The following SLC38A2 variants were observed in gnomAD, a reference collection of about 807,000 sequenced individuals.
SLC38A2 encodes the protein sodium-coupled neutral amino acid symporter 2.
In SLC38A2, 11 loss-of-function variants were observed where a neutral mutation model predicts 61.5. The ratio of observed to expected loss-of-function variants is 0.18; its 90% CI spans 0.11 to 0.30. The LOEUF (loss-of-function observed/expected upper bound fraction) is 0.30. SLC38A2 is among the 10% of genes least tolerant of loss of function. SLC38A2 has a pLI of 1.00. For synonymous variants in SLC38A2, 217 were observed against 212.5 expected, an observed-to-expected ratio of 1.02 and a Z score of -0.18; for missense variants, 522 against 600.4, an observed-to-expected ratio of 0.87 and a Z score of 1.36.
intron 4 of SLC38A2, 128 bp from the exon 5 acceptor site, chr12:46,367,468 A>G (rs915501963): frequency 1.5e-6 from 1 of 657,500 alleles, no homozygotes; most frequent in Non-Finnish European, 2.7e-6. Context: ...GCCCTGAAGA[A>G]CTGGCATTTC....
At position 46,363,831 on chromosome 12, in the gene SLC38A2, G is replaced by C; in HGVS notation, c.954-5C>G. Reference sequence around the variant, plus strand: ...ATCATTCTTCTACGGCTGCGGCTATGTAATTCAAGAGAAAATTCAAATATA... The same window carrying C: ...ATCATTCTTCTACGGCTGCGGCTATCTAATTCAAGAGAAAATTCAAATATA... On this transcript the variant is annotated splice_polypyrimidine_tract_variant and splice_region_variant and intron_variant, in intron 11 of 15. Coordinates refer to ENST00000256689, the MANE Select transcript of SLC38A2 (RefSeq NM_018976.5). The C allele has an allele frequency of 6.3e-7, 1 of 1,589,592 alleles. No individual in the cohort carries two copies. Among genetic ancestry groups the C allele is most frequent in the Non-Finnish European group, 8.5e-7 (1 of 1,171,486 alleles).
Position 46,359,413 on chromosome 12 carries a change from A to G in SLC38A2, c.*1698T>C, listed in dbSNP as rs1211360621. 1 of 152,650 alleles carries G rather than the reference A, an allele frequency of 6.6e-6. No homozygotes were observed. The highest frequency in any genetic ancestry group is 2.4e-5 in the African/African-American group (1 of 41,456). The allele number at this position is 152,650 out of a possible 1,614,324, so 9.5% of individuals were successfully genotyped here. On this transcript the variant is annotated 3_prime_UTR_variant, in exon 16 of 16. Coordinates refer to ENST00000256689, the MANE Select transcript of SLC38A2 (RefSeq NM_018976.5). ...CAGTTCCATAAGGGTCTTTAATTAC[A>G]CATGTATCTTGTTTGTAAATTTAGT...
rs112754579 is a variant in SLC38A2 at position 46,365,630 on chromosome 12, G to T, written c.564-441C>A. Among the ~76,000 whole-genome samples, 626 of 152,112 alleles carry T rather than the reference G, an allele frequency of 4.1e-3. 9 individuals carry two copies. The highest frequency in any genetic ancestry group is 0.014 in the African/African-American group (600 of 41,496). On this transcript the variant is annotated intron_variant, in intron 7 of 15. Coordinates refer to ENST00000256689, the MANE Select transcript of SLC38A2 (RefSeq NM_018976.5). ...AAATTTTAAAACAAGTTTTTTTCCAGATGCGTTAGCAAATATTATTAAATA... is the reference window on the plus strand; with the variant it reads ...AAATTTTAAAACAAGTTTTTTTCCATATGCGTTAGCAAATATTATTAAATA...
In SLC38A2 at chr12:46,361,073, G is replaced by T; in HGVS notation, c.*38C>A. 6.7e-7 allele frequency: 1 copy of T among 1,489,230 alleles called. No individual in the cohort carries two copies. Among genetic ancestry groups the T allele is most frequent in the Non-Finnish European group, 9.3e-7 (1 of 1,071,098 alleles). 92.3% of individuals were successfully genotyped at this position (1,489,230 alleles called of 1,614,324 possible). A position where few individuals can be genotyped will look rare whatever the true frequency, so the allele number is the denominator to read the frequency against. On this transcript the variant is annotated 3_prime_UTR_variant, in exon 16 of 16. Transcript: ENST00000256689. ...TAGTAGTTGAGTTTACTCAACACTGGCATCAGATGGACTGAGTTTGAGTTT... is the reference window on the plus strand; with the variant it reads ...TAGTAGTTGAGTTTACTCAACACTGTCATCAGATGGACTGAGTTTGAGTTT...
rs1440319962 is a variant in SLC38A2, at chr12:46,371,339, C to T, written c.-46G>A. On this transcript the variant is annotated 5_prime_UTR_variant, in exon 2 of 16. Coordinates refer to ENST00000256689, the MANE Select transcript of SLC38A2 (RefSeq NM_018976.5). ...GGGTGCAGCTAGTAGCGCTGGGCTCCTTTTGTCCTTGGCGGTGGGTGCAGC... is the reference window on the plus strand; with the variant it reads ...GGGTGCAGCTAGTAGCGCTGGGCTCTTTTTGTCCTTGGCGGTGGGTGCAGC... 2.4e-5 allele frequency: 36 copies of T among 1,514,674 alleles called. No homozygotes were observed. Among genetic ancestry groups the T allele is most frequent in the Non-Finnish European group, 3.1e-5 (34 of 1,090,826 alleles). The allele number at this position is 1,514,674 out of a possible 1,614,324, so 93.8% of individuals were successfully genotyped here. A position where few individuals can be genotyped will look rare whatever the true frequency, so the allele number is the denominator to read the frequency against.
chr12:46,363,906 T>C lies in SLC38A2; in HGVS notation c.953+18A>G. 1.3e-6 allele frequency: 2 copies of C among 1,597,288 alleles called. No homozygotes were observed. Among genetic ancestry groups the C allele is most frequent in the Non-Finnish European group, 1.7e-6 (2 of 1,174,308 alleles). ...TGTCTAATATTTTCTCAAATTTATG[T>C]AAAAATGAAATACTCACTCTTTCAG... On this transcript the variant is annotated intron_variant, in intron 11 of 15. Transcript: ENST00000256689.
intron 13 of SLC38A2, 65 bp from the exon 14 acceptor site, chr12:46,362,703 T>TTA: frequency 6.7e-7 from 1 of 1,487,340 alleles, no homozygotes; most frequent in Non-Finnish European, 8.9e-7. Context: ...AAAATCCAGC[T>TTA]TCAATGAATG....
At chr12:46,367,395 G>T in intron 4 of SLC38A2, 55 bp from the exon 5 acceptor site, 1 of 939,654 alleles carries the variant, frequency 1.1e-6, no homozygotes, top group Non-Finnish European at 1.7e-6. Context: ...TATATTTAAA[G>T]ACAACTCTTT....
In SLC38A2 at chr12:46,370,715, A is replaced by C. The variant is rs1943186285; in HGVS notation, c.198+61T>G. The C allele has an allele frequency of 2.6e-6, 4 of 1,540,812 alleles. No homozygotes were observed. The East Asian group carries it at 9.0e-5, about 35-fold the overall frequency. Reference sequence around the variant, plus strand: ...GGGCAAGTTAGATTTGAATTCTAAAAGTAAAACTATTCTTTTACTCCATAA... The same window carrying C: ...GGGCAAGTTAGATTTGAATTCTAAACGTAAAACTATTCTTTTACTCCATAA... On this transcript the variant is annotated intron_variant, in intron 3 of 15. Transcript: ENST00000256689.
chr12:46,369,040 A>G (rs1943167956), intron 4 of SLC38A2, among the ~76,000 whole-genome samples: 1 of 152,238 alleles, frequency 6.6e-6, no homozygotes. Context: ...CAAAATGGTA[A>G]ATCAATGACA....
In SLC38A2 at chr12:46,367,168, C is replaced by A; in HGVS notation, c.389G>T (p.Gly130Val). ...HLLLKTANEG[G>V]SLLYEQLGYK... Reference sequence around the variant, plus strand: ...TCCCAATTGTTCATATAATAAAGACCCTACAATTTGAAGACAGAAGCATGA... The same window carrying A: ...TCCCAATTGTTCATATAATAAAGACACTACAATTTGAAGACAGAAGCATGA... The change falls in exon 6 of 16, where the codon GGG becomes GTG. Residue 130 changes from glycine to valine, a missense_variant and splice_region_variant. Transcript: ENST00000256689. 1 of 1,611,566 alleles carries A rather than the reference C, an allele frequency of 6.2e-7. No individual in the cohort carries two copies. Among genetic ancestry groups the A allele is most frequent in the African/African-American group, 1.3e-5 (1 of 74,846 alleles).
In SLC38A2 at chr12:46,362,315, T is replaced by C. The variant is rs780851626; in HGVS notation, c.1391A>G (p.Lys464Arg). 6.2e-7 allele frequency: 1 copy of C among 1,612,264 alleles called. No homozygotes were observed. Among genetic ancestry groups the C allele is most frequent in the Admixed American group, 1.7e-5 (1 of 59,760 alleles). Residue 464 changes from lysine (K) to arginine (R), a missense_variant, in exon 15 of 16, where the codon AAA becomes AGA. Coordinates refer to ENST00000256689, the MANE Select transcript of SLC38A2 (RefSeq NM_018976.5). Reference protein sequence around the residue: ...PSAFYIKLVKKEPMKSVQKIG... With the variant: ...PSAFYIKLVKREPMKSVQKIG... ...CTTTTGTACAGATTTCATAGGTTCT[T>C]TCTTCACCAACTTGATATAGAAGGC... is the stretch of plus-strand genomic sequence containing the variant.
chr12:46,372,686 GA>G lies in SLC38A2; in HGVS notation c.-265del. 1 of 398,554 alleles carries G rather than the reference GA, an allele frequency of 2.5e-6. No individual in the cohort carries two copies. The highest frequency in any genetic ancestry group is 4.4e-6 in the Non-Finnish European group (1 of 225,990). The allele number at this position is 398,554 out of a possible 1,614,324, so 24.7% of individuals were successfully genotyped here. On this transcript the variant is annotated 5_prime_UTR_variant, in exon 1 of 16. Transcript: ENST00000256689. ...TCCTCCGGCGTCCGCCGTGTCAAGG[GA>G]AAGGCGCGAGCGTGCGGTAACGCGT...
intron 7 of SLC38A2, among the ~76,000 whole-genome samples, chr12:46,366,098 G>T (rs1276551416): frequency 6.6e-6 from 1 of 152,132 alleles, no homozygotes; most frequent in Non-Finnish European, 1.5e-5. Context: ...GTTTACTTTA[G>T]ATAAATACCT....
chr12:46,370,954 A>C (rs1362157352), intron 2 of SLC38A2, 97 bp from the exon 3 acceptor site: 1 of 946,778 alleles, frequency 1.1e-6, no homozygotes, highest in African/African-American at 1.7e-5. Context: ...CCAACAGCAT[A>C]GCTCTGATAC....
intron 12 of SLC38A2, 25 bp from the exon 13 acceptor site, chr12:46,363,170 T>G (rs1943101900): frequency 6.2e-7 from 1 of 1,606,836 alleles, no homozygotes; most frequent in Non-Finnish European, 8.5e-7. Context: ...CAAAAAAACT[T>G]TGATTGGCTG....
Position 46,364,397 on chromosome 12 carries a change from T to C in SLC38A2, c.865A>G (p.Asn289Asp). Residue 289 changes from asparagine (N) to aspartate (D), a missense_variant, in exon 10 of 16, where the codon AAC (asparagine) becomes GAC (aspartate). Asn to Asp is a conservative substitution (Grantham distance 23, BLOSUM62 1). Coordinates refer to ENST00000256689, the MANE Select transcript of SLC38A2 (RefSeq NM_018976.5). ...TAAGCATATTTAGTTACCTGTGAGT[T>C]GAAAATAAAATAGTGAGGTCTGCAA... Reference protein sequence around the residue: ...DSCRPHYFIFNSQTVYAVPIL... With the variant: ...DSCRPHYFIFDSQTVYAVPIL... The C allele has an allele frequency of 6.3e-7, 1 of 1,579,400 alleles. No individual in the cohort carries two copies. Among genetic ancestry groups the C allele is most frequent in the Non-Finnish European group, 8.5e-7 (1 of 1,169,648 alleles).
At chr12:46,363,251 A>T (rs914653283) in intron 12 of SLC38A2, 106 bp from the exon 13 acceptor site, 15 of 1,247,090 alleles carry the variant, frequency 1.2e-5, no homozygotes, top group African/African-American at 4.5e-5. Flanking sequence ...TCACAAAACG[A>T]CTATAAACTA....
intron 14 of SLC38A2, 50 bp from the exon 15 acceptor site, chr12:46,362,431 T>C: frequency 6.3e-7 from 1 of 1,597,192 alleles, no homozygotes; most frequent in Non-Finnish European, 8.5e-7. Context: ...CCACTCGTCA[T>C]TCATTCTTTA....
Sources: allele counts gnomAD v4.1 joint callset (sites outside exome capture counted in the v4.1 genomes callset), GRCh38; gene constraint gnomAD v4.1.1; transcripts MANE v1.5; gene names NCBI Gene and HGNC (gene_info 2026-07-23, HGNC 2026-07-21).